Variants in LINC00305 observed in about 807,000 individuals in gnomAD.
The protein encoded by LINC00305 is long independently transcribed non-coding RNA 305, also known as long intergenic non-protein coding RNA 305.
chr18:64,145,560 C>A (rs2051493499), intron 1 of LINC00305, among the ~76,000 whole-genome samples: 1 of 152,128 alleles, frequency 6.6e-6, no homozygotes, highest in African/African-American at 2.4e-5. Context: ...CTGGCCAGAT[C>A]CCACAATAAC....
intron 1 of LINC00305, among the ~76,000 whole-genome samples, chr18:64,140,576 CAACTAAAATG>C (rs2051457449): frequency 6.6e-6 from 1 of 152,118 alleles, no homozygotes; most frequent in Admixed American, 6.6e-5. Context: ...TCCATCTCCC[CAACTAAAATG>C]AACGCTCCTT....
chr18:64,087,606 G>T (rs776233199), intron 3 of LINC00305, among the ~76,000 whole-genome samples: 27 of 151,982 alleles, frequency 1.8e-4, no homozygotes, highest in Non-Finnish European at 2.4e-4. Context: ...ATTCCTCAAA[G>T]AAATCTGTTA....
intron 1 of LINC00305, chr18:64,148,669 C>T (rs909980828): frequency 1.3e-5 from 2 of 152,192 alleles, no homozygotes; most frequent in Admixed American, 6.6e-5. Context: ...TAGAGCCACA[C>T]TTGAGGTTTT....
intron 1 of LINC00305, among the ~76,000 whole-genome samples, chr18:64,103,919 G>A (rs1443428360): frequency 6.6e-6 from 1 of 152,306 alleles, no homozygotes; most frequent in East Asian, 1.9e-4. Flanking sequence ...AGAAAGCACT[G>A]TGAAGTTTTC....
intron 1 of LINC00305, among the ~76,000 whole-genome samples, chr18:64,121,177 G>C (rs78124837): frequency 5.9e-5 from 9 of 152,176 alleles, no homozygotes; most frequent in African/African-American, 2.2e-4. Context: ...CATTAGGCAT[G>C]ACATTGCTGA....
At chr18:64,110,973 C>A (rs1362924956) in intron 1 of LINC00305, among the ~76,000 whole-genome samples, 1 of 152,116 alleles carries the variant, frequency 6.6e-6, no homozygotes, top group Non-Finnish European at 1.5e-5. Context: ...TTTTCTACAT[C>A]CTGATTAGTG....
At chr18:64,087,841 C>T (rs1387161100) in intron 3 of LINC00305, among the ~76,000 whole-genome samples, 2 of 151,966 alleles carry the variant, frequency 1.3e-5, no homozygotes, top group South Asian at 2.1e-4. Context: ...CCTGTAATCC[C>T]AGCACTTTGG....
At chr18:64,121,466 T>G (rs1307611109) in intron 1 of LINC00305, among the ~76,000 whole-genome samples, 1 of 152,150 alleles carries the variant, frequency 6.6e-6, no homozygotes, top group Non-Finnish European at 1.5e-5. Flanking sequence ...GTGTCTGACT[T>G]GCTTCACTTA....
At chr18:64,124,449 T>C (rs2051376190) in intron 1 of LINC00305, among the ~76,000 whole-genome samples, 1 of 152,162 alleles carries the variant, frequency 6.6e-6, no homozygotes, top group Non-Finnish European at 1.5e-5. Flanking sequence ...ACCATGTTAT[T>C]GTCTCCATGC....
At chr18:64,080,800 G>C (rs1284019174) in intron 3 of LINC00305, among the ~76,000 whole-genome samples, 1 of 152,084 alleles carries the variant, frequency 6.6e-6, no homozygotes, top group African/African-American at 2.4e-5. Context: ...AAACATGTCT[G>C]TAAGACTGTA....
intron 1 of LINC00305, among the ~76,000 whole-genome samples, chr18:64,148,324 C>T (rs191445091): frequency 6.6e-6 from 1 of 152,196 alleles, no homozygotes; most frequent in African/African-American, 2.4e-5. Flanking sequence ...TCCCTTATCT[C>T]AGATATCTTT....
intron 1 of LINC00305, among the ~76,000 whole-genome samples, chr18:64,140,037 T>C (rs926751293): frequency 5.9e-5 from 9 of 152,034 alleles, no homozygotes; most frequent in African/African-American, 2.2e-4. Context: ...CTCGGAGACC[T>C]TGTATCTGCT....
At chr18:64,090,726 C>T (rs1418492073) in intron 3 of LINC00305, among the ~76,000 whole-genome samples, 2 of 151,880 alleles carry the variant, frequency 1.3e-5, no homozygotes, top group Admixed American at 6.6e-5. Flanking sequence ...ATTTGCTTTT[C>T]GATGTTATAA....
intron 1 of LINC00305, among the ~76,000 whole-genome samples, chr18:64,140,538 T>C (rs2051457248): frequency 6.6e-6 from 1 of 152,130 alleles, no homozygotes; most frequent in African/African-American, 2.4e-5. Context: ...TTTCCCTACA[T>C]GGTAGAGACC....
chr18:64,115,880 AG>A (rs2051335346), intron 1 of LINC00305, among the ~76,000 whole-genome samples: 1 of 152,198 alleles, frequency 6.6e-6, no homozygotes, highest in Non-Finnish European at 1.5e-5. Context: ...TAATCAAAAA[AG>A]ATAGCATCCG....
chr18:64,143,675 T>TATGTATGTCCACGTATTATGCGTAC lies in LINC00305; in HGVS notation n.314+5099_314+5100insGTACGCATAATACGTGGACATACAT, dbSNP rs2051480198. ...TGTATGTACACGTATTATGTATACA[T>TATGTATGTCCACGTATTATGCGTAC]ATGTATGTCCACATATTATGCGTAC... On this transcript the variant is annotated intron_variant and non_coding_transcript_variant, in intron 1 of 3. Transcript: ENST00000666468. 2.5e-4 allele frequency among the ~76,000 whole-genome samples: 17 copies of TATGTATGTCCACGTATTATGCGTAC among 69,168 alleles called. 4 individuals carry two copies. Among genetic ancestry groups the TATGTATGTCCACGTATTATGCGTAC allele is most frequent in the African/African-American group, 6.8e-4 (13 of 19,070 alleles). The allele number at this position is 69,168 out of a possible 152,430, so 45.4% of individuals were successfully genotyped here.
At chr18:64,080,239 C>CTCTGG in exon 4 of LINC00305, 1 of 439,248 alleles carries the variant, frequency 2.3e-6, no homozygotes, top group Non-Finnish European at 4.6e-6. Flanking sequence ...ACAGTATGAC[C>CTCTGG]TCTGATCTCT....
chr18:64,101,230 G>A (rs536187186), intron 1 of LINC00305, among the ~76,000 whole-genome samples: 2 of 152,164 alleles, frequency 1.3e-5, no homozygotes, highest in African/African-American at 4.8e-5. Flanking sequence ...TCATTAACTC[G>A]GCATCGAGGA....
At chr18:64,120,203 A>C (rs569574471) in intron 1 of LINC00305, among the ~76,000 whole-genome samples, 48 of 152,318 alleles carry the variant, frequency 3.2e-4, no homozygotes, top group African/African-American at 1.2e-3. Context: ...TAATTAGCAG[A>C]GAAACCAAGC....
Sources: gnomAD v4.1 joint callset for allele counts (sites outside exome capture counted in the v4.1 genomes callset) on GRCh38, gnomAD v4.1.1 for gene constraint, MANE v1.5 for transcripts, NCBI Gene and HGNC (gene_info 2026-07-23, HGNC 2026-07-21) for gene names.